Variants in RAB11FIP3 observed in about 807,000 individuals in gnomAD.
RAB11FIP3 encodes RAB11 family interacting protein 3.
RAB11FIP3 carries 17 observed loss-of-function variants against 77.8 expected under a neutral mutation model. The observed-to-expected ratio is 0.22, with a 90% CI of 0.15 to 0.33. RAB11FIP3 has a LOEUF of 0.33. RAB11FIP3 is among the 10% of genes least tolerant of loss of function. The pLI, the probability that RAB11FIP3 is intolerant of heterozygous loss-of-function variation, is 1.00. For missense variants in RAB11FIP3, 1,005 were observed against 1,011.2 expected (o/e 0.99, Z 0.08); for synonymous variants, 437 against 448.2 (o/e 0.98, Z 0.31).
Position 502,994 on chromosome 16 carries a change from T to C in RAB11FIP3, c.1302-10T>C, listed in dbSNP as rs377523658. The C allele has an allele frequency of 1.9e-6, 3 of 1,601,718 alleles. No homozygotes were observed. The African/African-American group carries it at 4.0e-5, about 21-fold the overall frequency. On this transcript the variant is annotated splice_polypyrimidine_tract_variant and intron_variant, in intron 6 of 13. Coordinates refer to ENST00000262305, the MANE Select transcript of RAB11FIP3 (RefSeq NM_014700.4). ...CCTTTCTTCCCTCTGTTGTTGTGCC[T>C]TTTCTGTAGGTACCTGCACCAGTCA...
At chr16:473,276 C>CTAA (rs766675995) in intron 3 of RAB11FIP3, among the ~76,000 whole-genome samples, 1 of 152,174 alleles carries the variant, frequency 6.6e-6, no homozygotes. Flanking sequence ...CATGTCAGAG[C>CTAA]TAATCCTTCT....
chr16:491,210 A>G (rs1278417064), intron 5 of RAB11FIP3: 1 of 1,304,750 alleles, frequency 7.7e-7, no homozygotes, highest in Non-Finnish European at 1.0e-6. Context: ...CCAGTGCCAC[A>G]AACAAATCAA....
intron 11 of RAB11FIP3, 26 bp from the exon 12 acceptor site, chr16:520,096 C>G (rs1325633052): frequency 1.9e-6 from 3 of 1,541,526 alleles, no homozygotes; most frequent in African/African-American, 2.7e-5. Context: ...CCAGGCCCCC[C>G]GGCTCACTGC....
chr16:490,066 C>A (rs1390402880), intron 5 of RAB11FIP3, among the ~76,000 whole-genome samples: 1 of 152,216 alleles, frequency 6.6e-6, no homozygotes, highest in Non-Finnish European at 1.5e-5. Flanking sequence ...TTGGTAATCA[C>A]CTCTTCCTAC....
At chr16:501,462 C>T (rs2031513039) in intron 6 of RAB11FIP3, among the ~76,000 whole-genome samples, 1 of 144,348 alleles carries the variant, frequency 6.9e-6, no homozygotes, top group Non-Finnish European at 1.5e-5. Context: ...CGGAGAGGAT[C>T]CCCCCATTTC....
chr16:492,875 G>C (rs1392241786), intron 5 of RAB11FIP3, among the ~76,000 whole-genome samples: 3 of 152,286 alleles, frequency 2.0e-5, no homozygotes, highest in South Asian at 4.1e-4. Context: ...GGGCAGAGAA[G>C]GGACTAGGAT....
chr16:478,294 G>A (rs1360791908), intron 3 of RAB11FIP3, among the ~76,000 whole-genome samples: 1 of 151,766 alleles, frequency 6.6e-6, no homozygotes, highest in African/African-American at 2.4e-5. Context: ...CTGGGTTCAA[G>A]CGATTCTCCT....
At position 461,523 on chromosome 16, in the gene RAB11FIP3, C is replaced by T. The variant is rs776984299; in HGVS notation, c.808+26C>T. ...GTCAGTCATCCCCGCCATGAGCTCC[C>T]ACCTCCTCTCCCGTTCCTCAGCCAC... On this transcript the variant is annotated intron_variant, in intron 2 of 13. Coordinates refer to ENST00000262305, the MANE Select transcript of RAB11FIP3 (RefSeq NM_014700.4). The surrounding 1 kb of genome is among the most constrained non-coding windows in gnomAD (Gnocchi z 4.5). 1 of 1,587,508 alleles carries T rather than the reference C, an allele frequency of 6.3e-7. No individual in the cohort carries two copies. The highest frequency in any genetic ancestry group is 8.6e-7 in the Non-Finnish European group (1 of 1,156,920).
At chr16:464,949 G>T (rs1267984438) in intron 2 of RAB11FIP3, among the ~76,000 whole-genome samples, 2 of 152,152 alleles carry the variant, frequency 1.3e-5, no homozygotes, top group Non-Finnish European at 2.9e-5. Flanking sequence ...GTGTAATAGA[G>T]AATGCGATCT....
chr16:484,542 G>C (rs1170907687), intron 4 of RAB11FIP3, among the ~76,000 whole-genome samples: 1 of 152,070 alleles, frequency 6.6e-6, no homozygotes, highest in Non-Finnish European at 1.5e-5. Context: ...TAGTAGAGAC[G>C]GGGTTTCACC....
At chr16:428,925 G>A (rs2054994301) in intron 1 of RAB11FIP3, among the ~76,000 whole-genome samples, 1 of 152,044 alleles carries the variant, frequency 6.6e-6, no homozygotes. Flanking sequence ...CGAAGGTTGG[G>A]GGCAAGGGCT....
chr16:508,247 A>C (rs1457163837), intron 8 of RAB11FIP3, among the ~76,000 whole-genome samples: 1 of 151,916 alleles, frequency 6.6e-6, no homozygotes, highest in Non-Finnish European at 1.5e-5. Context: ...TGACTGAGGA[A>C]CCTCTGGTGC....
In RAB11FIP3 at chr16:450,454, A is replaced by G. The variant is rs891582683; in HGVS notation, c.715-10950A>G. On this transcript the variant is annotated intron_variant, in intron 1 of 13. Transcript: ENST00000262305. ...CCTGGCCTCCAAAAGTGCTGGGATGACAGATGTGACCCACCACGCCCAACC... is the reference window on the plus strand; with the variant it reads ...CCTGGCCTCCAAAAGTGCTGGGATGGCAGATGTGACCCACCACGCCCAACC... Among the ~76,000 whole-genome samples the G allele has an allele frequency of 2.0e-4, 30 of 152,204 alleles. 1 individual carries two copies. Among genetic ancestry groups the G allele is most frequent in the Non-Finnish European group, 1.2e-4 (8 of 68,050 alleles).
intron 1 of RAB11FIP3, among the ~76,000 whole-genome samples, chr16:436,628 C>T (rs962769438): frequency 3.9e-5 from 6 of 152,114 alleles, no homozygotes; most frequent in Non-Finnish European, 5.9e-5. Context: ...ACTATAAATG[C>T]CTGCCAGCAC....
At position 482,645 on chromosome 16, in the gene RAB11FIP3, G is replaced by A. The variant is rs200846343; in HGVS notation, c.1024G>A (p.Ala342Thr). Residue 342 changes from alanine to threonine, a missense_variant, in exon 4 of 14, where the codon GCA (alanine) becomes ACA (threonine). Ala to Thr is a moderately conservative substitution (Grantham distance 58). Transcript: ENST00000262305. ...CCCTGAGCTGCAACCTGAAGGGGAC[G>A]CAGACAGTGCCGGCGGCTCGGCCGT... ...VHPELQPEGD[A>T]DSAGGSAVPS... 4.1e-5 allele frequency: 66 copies of A among 1,613,360 alleles called. No individual in the cohort carries two copies. The East Asian group carries it at 1.1e-3, about 26-fold the overall frequency.
chr16:464,360 T>C (rs1335127422), intron 2 of RAB11FIP3, among the ~76,000 whole-genome samples: 3 of 152,200 alleles, frequency 2.0e-5, no homozygotes, highest in Non-Finnish European at 4.4e-5. Context: ...TGTCCTTCTG[T>C]ACAAAGCTTT....
At chr16:440,505 CT>C (rs1380434856) in intron 1 of RAB11FIP3, among the ~76,000 whole-genome samples, 1 of 152,188 alleles carries the variant, frequency 6.6e-6, no homozygotes, top group African/African-American at 2.4e-5. Context: ...TACCTTCCCC[CT>C]TTTCTCCTAC....
rs2055598978 is a variant in RAB11FIP3 at position 461,188 on chromosome 16, C to T, written c.715-216C>T. 3.3e-5 allele frequency among the ~76,000 whole-genome samples: 5 copies of T among 152,134 alleles called. No individual in the cohort carries two copies. The highest frequency in any genetic ancestry group is 3.3e-4 in the Admixed American group (5 of 15,260). On this transcript the variant is annotated intron_variant, in intron 1 of 13. Coordinates refer to ENST00000262305, the MANE Select transcript of RAB11FIP3 (RefSeq NM_014700.4). This position sits in a 1 kb window ranked among gnomAD's most constrained non-coding sequence, Gnocchi z 4.5. ...GCGCGCAACCTGGACCCCTCGCATG[C>T]GGAGCACACAGTAGGCTTTGCGCTC...
rs933841093 is a variant in RAB11FIP3 at position 494,397 on chromosome 16, C to T, written c.1266-2427C>T. On this transcript the variant is annotated intron_variant, in intron 5 of 13. Coordinates refer to ENST00000262305, the MANE Select transcript of RAB11FIP3 (RefSeq NM_014700.4). Reference sequence around the variant, plus strand: ...CAGCACTTTGCGAGGCTGAGGTGGGCAGATCACGAGGTCAGGAGATCGAGA... The same window carrying T: ...CAGCACTTTGCGAGGCTGAGGTGGGTAGATCACGAGGTCAGGAGATCGAGA... Among the ~76,000 whole-genome samples the T allele has an allele frequency of 2.7e-5, 4 of 150,536 alleles. No homozygotes were observed. The South Asian group carries it at 6.4e-4, about 24-fold the overall frequency.
Sources: allele counts gnomAD v4.1 joint callset (sites outside exome capture counted in the v4.1 genomes callset), GRCh38; gene constraint gnomAD v4.1.1; non-coding constraint Gnocchi (gnomAD v3.1); transcripts MANE v1.5; gene names NCBI Gene and HGNC (gene_info 2026-07-23, HGNC 2026-07-21).